IFT80: variants seen among roughly 807,000 people sequenced by gnomAD.
IFT80 encodes the protein intraflagellar transport 80, also known as intraflagellar transport protein 80 homolog.
Under a neutral mutation model 107.9 loss-of-function variants are expected in IFT80, and 79 were observed. The ratio of observed to expected loss-of-function variants is 0.73; its 90% CI spans 0.61 to 0.88. The LOEUF is 0.88. Among genes scored for constraint, IFT80 ranks in the 40% least tolerant of loss-of-function variants. IFT80 has a pLI of 0.00. For synonymous variants in IFT80, 299 were observed against 300.9 expected, an observed-to-expected ratio of 0.99 and a Z score of 0.07; for missense variants, 797 against 914.2, an observed-to-expected ratio of 0.87 and a Z score of 1.65.
chr3:160,308,304 G>A (rs1040448176), intron 9 of IFT80, among the ~76,000 whole-genome samples: 4 of 151,984 alleles, frequency 2.6e-5, no homozygotes, highest in Non-Finnish European at 4.4e-5. Context: ...AGTGGGGAAA[G>A]GTATTTCCAT....
chr3:160,384,651 A>G lies in IFT80; in HGVS notation c.-46-5T>C. 6.3e-7 allele frequency: 1 copy of G among 1,582,496 alleles called. No homozygotes were observed. The highest frequency in any genetic ancestry group is 8.7e-7 in the Non-Finnish European group (1 of 1,153,908). On this transcript the variant is annotated splice_polypyrimidine_tract_variant and splice_region_variant and intron_variant, in intron 1 of 19. Coordinates refer to ENST00000326448, the MANE Select transcript of IFT80 (RefSeq NM_020800.3). ...GATGCCACTTGATTGTATTTACTGT[A>G]AAAATAAAAGGAGAGAAAATATAAA...
intron 8 of IFT80, among the ~76,000 whole-genome samples, chr3:160,323,518 C>G (rs1450017927): frequency 6.6e-6 from 1 of 151,980 alleles, no homozygotes; most frequent in African/African-American, 2.4e-5. Flanking sequence ...CAACCTGCTG[C>G]TGAATGACTA....
At chr3:160,348,729 CAT>C (rs767400538) in intron 8 of IFT80, among the ~76,000 whole-genome samples, 1 of 152,132 alleles carries the variant, frequency 6.6e-6, no homozygotes, top group Non-Finnish European at 1.5e-5. Flanking sequence ...GTGTTATAAA[CAT>C]GTGATGAAAT....
chr3:160,397,866 CA>C (rs996892975), intron 1 of IFT80, among the ~76,000 whole-genome samples: 1 of 152,060 alleles, frequency 6.6e-6, no homozygotes, highest in African/African-American at 2.4e-5. Context: ...GGATTACAGG[CA>C]TGCGCCACCA....
At chr3:160,332,666 A>T (rs1308075735) in intron 8 of IFT80, among the ~76,000 whole-genome samples, 1 of 152,254 alleles carries the variant, frequency 6.6e-6, no homozygotes, top group African/African-American at 2.4e-5. Context: ...GAGTTATGAC[A>T]TGTACTTCCA....
chr3:160,297,290 C>A (rs1716058571), intron 12 of IFT80, among the ~76,000 whole-genome samples: 2 of 151,992 alleles, frequency 1.3e-5, no homozygotes, highest in African/African-American at 4.8e-5. Flanking sequence ...TTTGATGATT[C>A]TCTTTAAGTA....
At chr3:160,337,114 A>G (rs970722451) in intron 8 of IFT80, among the ~76,000 whole-genome samples, 1 of 152,130 alleles carries the variant, frequency 6.6e-6, no homozygotes, top group Non-Finnish European at 1.5e-5. Flanking sequence ...TGGTGTCTAC[A>G]GCCAATATAC....
At chr3:160,322,886 TG>T (rs1718362046) in intron 8 of IFT80, among the ~76,000 whole-genome samples, 1 of 152,160 alleles carries the variant, frequency 6.6e-6, no homozygotes, top group African/African-American at 2.4e-5. Flanking sequence ...TGGGGTTGTT[TG>T]TTTTTTTCTT....
chr3:160,376,845 TGTGA>T (rs913730145), intron 4 of IFT80, among the ~76,000 whole-genome samples: 3 of 152,188 alleles, frequency 2.0e-5, no homozygotes, highest in African/African-American at 4.8e-5. Context: ...CCAACAACCA[TGTGA>T]GTAAGACATC....
chr3:160,285,265 A>C (rs749113857), intron 13 of IFT80, among the ~76,000 whole-genome samples: 4 of 152,204 alleles, frequency 2.6e-5, no homozygotes, highest in Non-Finnish European at 5.9e-5. Flanking sequence ...TAAAACTAAA[A>C]GTGTCTTTAG....
intron 12 of IFT80, among the ~76,000 whole-genome samples, chr3:160,288,955 G>T (rs1715320702): frequency 6.6e-6 from 1 of 152,182 alleles, no homozygotes; most frequent in African/African-American, 2.4e-5. Context: ...TCCCATTACT[G>T]GGTGCATACC....
At chr3:160,375,460 G>A (rs1360574625) in intron 5 of IFT80, among the ~76,000 whole-genome samples, 3 of 151,954 alleles carry the variant, frequency 2.0e-5, no homozygotes, top group Non-Finnish European at 4.4e-5. Context: ...ATATCTTTTC[G>A]TACTATGATT....
At chr3:160,351,568 T>TAC (rs1176275909) in intron 8 of IFT80, among the ~76,000 whole-genome samples, 1 of 141,350 alleles carries the variant, frequency 7.1e-6, no homozygotes, top group Non-Finnish European at 1.6e-5. Flanking sequence ...TATATATATA[T>TAC]ACACACATAT....
In IFT80 at chr3:160,362,602, C is replaced by T. The variant is rs565557732; in HGVS notation, c.549+3441G>A. ...TTTAGACCAATATCCCTGATGAACACCGATGCAAAAATCCTCAAAAAAAGT... is the reference window on the plus strand; with the variant it reads ...TTTAGACCAATATCCCTGATGAACATCGATGCAAAAATCCTCAAAAAAAGT... On this transcript the variant is annotated intron_variant, in intron 6 of 19. Transcript: ENST00000326448. Among the ~76,000 whole-genome samples, 17 of 152,228 alleles carry T rather than the reference C, an allele frequency of 1.1e-4. No homozygotes were observed. In the South Asian group the frequency reaches 3.3e-3, roughly 30 times the overall value.
At chr3:160,349,393 G>A (rs1720515196) in intron 8 of IFT80, among the ~76,000 whole-genome samples, 1 of 151,816 alleles carries the variant, frequency 6.6e-6, no homozygotes, top group Non-Finnish European at 1.5e-5. Context: ...AGGTTGCAGT[G>A]AGCCGAGATC....
At position 160,302,338 on chromosome 3, in the gene IFT80, T is replaced by C. The variant is rs111548576; in HGVS notation, c.1152-1292A>G. Among the ~76,000 whole-genome samples, 1,328 of 152,208 alleles carry C rather than the reference T, an allele frequency of 8.7e-3. 11 individuals carry two copies. The highest frequency in any genetic ancestry group is 0.013 in the Non-Finnish European group (914 of 67,914). On this transcript the variant is annotated intron_variant, in intron 11 of 19. Transcript: ENST00000326448. The stretch of plus-strand genomic sequence containing the variant: ...AGGGTTGGTAGGTAGTTTATTTAAT[T>C]GAAGGGTTTGGCCCTTACATACTAG...
chr3:160,352,971 A>G (rs1402915365), intron 8 of IFT80, among the ~76,000 whole-genome samples: 9 of 152,174 alleles, frequency 5.9e-5, no homozygotes, highest in Admixed American at 5.9e-4. Flanking sequence ...TCTGTCCTCT[A>G]TGATGATCTT....
At chr3:160,286,239 CTGA>C (rs1715081983) in intron 12 of IFT80, among the ~76,000 whole-genome samples, 2 of 152,146 alleles carry the variant, frequency 1.3e-5, no homozygotes, top group Non-Finnish European at 2.9e-5. Context: ...TGAAGGTTAA[CTGA>C]AAATCAACTC....
At chr3:160,357,418 A>G in intron 7 of IFT80, 71 bp downstream of exon 7, 1 of 834,324 alleles carries the variant, frequency 1.2e-6, no homozygotes, top group Non-Finnish European at 2.0e-6. Flanking sequence ...AAACTAAAAG[A>G]ATATTCTTAT....
Sources: gnomAD v4.1 joint callset for allele counts (sites outside exome capture counted in the v4.1 genomes callset) on GRCh38, gnomAD v4.1.1 for gene constraint, MANE v1.5 for transcripts, NCBI Gene and HGNC (gene_info 2026-07-23, HGNC 2026-07-21) for gene names.